Variants in SLC35F1 observed in about 807,000 individuals in gnomAD.
The protein encoded by SLC35F1 is solute carrier family 35 member F1, also known as chromosome 6 open reading frame 169.
Under a neutral mutation model 48.7 loss-of-function variants are expected in SLC35F1, and 14 were observed. The observed-to-expected ratio is 0.29, with a 90% CI of 0.19 to 0.45. The LOEUF (loss-of-function observed/expected upper bound fraction) is 0.45, where lower values mean the gene tolerates loss of function less well. Ranked by LOEUF, SLC35F1 falls within the 20% of genes least tolerant of loss-of-function variation. The pLI, the probability that SLC35F1 is intolerant of heterozygous loss-of-function variation, is 1.00. For missense variants in SLC35F1, 404 were observed against 500.0 expected (o/e 0.81, Z 1.83); for synonymous variants, 190 against 202.2 (o/e 0.94, Z 0.51).
intron 1 of SLC35F1, among the ~76,000 whole-genome samples, chr6:117,969,779 GT>G (rs1264422508): frequency 6.6e-6 from 1 of 152,042 alleles, no homozygotes; most frequent in Non-Finnish European, 1.5e-5. Flanking sequence ...TTTGGTGTAT[GT>G]TTTTCTTTTC....
At position 118,000,217 on chromosome 6, in the gene SLC35F1, G is replaced by T. The variant is rs9387533; in HGVS notation, c.173+92318G>T. The stretch of plus-strand genomic sequence containing the variant: ...AATCCTCAATAAAATACTGGCAAAC[G>T]GAATCCAGCAGCACATCAAAAAGCT... On this transcript the variant is annotated intron_variant, in intron 1 of 7. Coordinates refer to ENST00000360388, the MANE Select transcript of SLC35F1 (RefSeq NM_001029858.4). Among the ~76,000 whole-genome samples the T allele has an allele frequency of 3.9e-5, 6 of 152,126 alleles. No homozygotes were observed. The South Asian group carries it at 1.0e-3, about 26-fold the overall frequency.
At chr6:118,258,743 T>C (rs1775676369) in intron 3 of SLC35F1, among the ~76,000 whole-genome samples, 1 of 151,966 alleles carries the variant, frequency 6.6e-6, no homozygotes, top group Non-Finnish European at 1.5e-5. Context: ...TTAATATATA[T>C]AAAATATACT....
intron 2 of SLC35F1, among the ~76,000 whole-genome samples, chr6:118,182,898 T>C (rs970890712): frequency 1.3e-5 from 2 of 152,188 alleles, no homozygotes; most frequent in African/African-American, 4.8e-5. Context: ...CTTGATGGTA[T>C]GTTTTCAAAA....
At chr6:118,261,263 C>T (rs1013161431) in intron 3 of SLC35F1, among the ~76,000 whole-genome samples, 1 of 152,162 alleles carries the variant, frequency 6.6e-6, no homozygotes, top group African/African-American at 2.4e-5. Context: ...TGGATTCTCT[C>T]CTGAAACATC....
chr6:118,037,398 C>T (rs1772149823), intron 1 of SLC35F1, among the ~76,000 whole-genome samples: 2 of 151,898 alleles, frequency 1.3e-5, no homozygotes, highest in Non-Finnish European at 2.9e-5. Context: ...TGTTAATTTT[C>T]TCTGCTTTTT....
chr6:117,983,524 C>A (rs1232033129), intron 1 of SLC35F1, among the ~76,000 whole-genome samples: 1 of 152,096 alleles, frequency 6.6e-6, no homozygotes, highest in Non-Finnish European at 1.5e-5. Context: ...TTGCAGTGAG[C>A]CAAGACTGCA....
At chr6:118,125,502 G>T (rs1773612285) in intron 1 of SLC35F1, among the ~76,000 whole-genome samples, 1 of 152,162 alleles carries the variant, frequency 6.6e-6, no homozygotes, top group South Asian at 2.1e-4. Flanking sequence ...GGACGAGCAA[G>T]AACTAGGCTC....
At chr6:118,215,482 G>C (rs1042198795) in intron 2 of SLC35F1, among the ~76,000 whole-genome samples, 1 of 152,044 alleles carries the variant, frequency 6.6e-6, no homozygotes, top group Non-Finnish European at 1.5e-5. Flanking sequence ...AGACAATGGT[G>C]GGCCATGAAG....
At chr6:117,950,562 G>A (rs1776351112) in intron 1 of SLC35F1, among the ~76,000 whole-genome samples, 1 of 152,122 alleles carries the variant, frequency 6.6e-6, no homozygotes, top group South Asian at 2.1e-4. Flanking sequence ...GCCTTCAAGG[G>A]GCATCACTCT....
intron 1 of SLC35F1, among the ~76,000 whole-genome samples, chr6:118,060,478 C>T (rs1416650922): frequency 6.6e-6 from 1 of 151,870 alleles, no homozygotes. Flanking sequence ...ATCCCTTTAT[C>T]ACTACACAAA....
chr6:118,148,429 C>G (rs565514831), intron 1 of SLC35F1, among the ~76,000 whole-genome samples: 6 of 152,134 alleles, frequency 3.9e-5, no homozygotes, highest in Non-Finnish European at 8.8e-5. Context: ...CACAAGTTTA[C>G]TCTCAAAATT....
At chr6:117,923,514 C>CATGT (rs1394594215) in intron 1 of SLC35F1, among the ~76,000 whole-genome samples, 3 of 143,792 alleles carry the variant, frequency 2.1e-5, no homozygotes, top group Non-Finnish European at 4.5e-5. Context: ...TATACACATA[C>CATGT]ATGTGTATAT....
chr6:118,305,221 C>A (rs1172452485), intron 7 of SLC35F1, among the ~76,000 whole-genome samples: 2 of 151,496 alleles, frequency 1.3e-5, no homozygotes, highest in African/African-American at 4.9e-5. Flanking sequence ...TGAAGGCAAT[C>A]TGGAGGTACA....
intron 7 of SLC35F1, among the ~76,000 whole-genome samples, chr6:118,288,363 T>A (rs574103487): frequency 6.9e-4 from 105 of 152,270 alleles, no homozygotes; most frequent in African/African-American, 2.5e-3. Context: ...TTTTTATACA[T>A]TTTAGGGAGA....
intron 3 of SLC35F1, among the ~76,000 whole-genome samples, chr6:118,262,795 AC>A (rs1775728557): frequency 6.6e-6 from 1 of 152,328 alleles, no homozygotes; most frequent in African/African-American, 2.4e-5. Context: ...GTTTAAAACT[AC>A]AGGGTTCAAG....
chr6:118,135,020 G>T (rs999707603), intron 1 of SLC35F1, among the ~76,000 whole-genome samples: 1 of 152,192 alleles, frequency 6.6e-6, no homozygotes, highest in Non-Finnish European at 1.5e-5. Flanking sequence ...GGAGGAAAAG[G>T]TCAAACAGAA....
intron 1 of SLC35F1, among the ~76,000 whole-genome samples, chr6:118,029,935 ACAT>A: frequency 6.6e-6 from 1 of 152,196 alleles, no homozygotes; most frequent in Non-Finnish European, 1.5e-5. Flanking sequence ...CTTGGAGAGG[ACAT>A]TCCAACAAGG....
chr6:118,243,213 G>A (rs1775463268), intron 3 of SLC35F1, among the ~76,000 whole-genome samples: 2 of 152,172 alleles, frequency 1.3e-5, no homozygotes, highest in Non-Finnish European at 2.9e-5. Context: ...AGGCTAAGTT[G>A]TATCAAATAC....
At position 118,281,345 on chromosome 6, in the gene SLC35F1, T is replaced by G. The variant is rs184728815; in HGVS notation, c.847+3799T>G. 1.3e-3 allele frequency among the ~76,000 whole-genome samples: 200 copies of G among 152,196 alleles called. 1 individual carries two copies. The highest frequency in any genetic ancestry group is 2.3e-3 in the Non-Finnish European group (154 of 68,016). ...ATTCAGAATTTAAAGTCAGGCTGCC[T>G]ATGTGACCTAAGGGCAAGTTACTTA... On this transcript the variant is annotated intron_variant, in intron 6 of 7. Transcript: ENST00000360388.
Sources: gnomAD v4.1 joint callset for allele counts (sites outside exome capture counted in the v4.1 genomes callset) on GRCh38, gnomAD v4.1.1 for gene constraint, MANE v1.5 for transcripts, NCBI Gene and HGNC (gene_info 2026-07-23, HGNC 2026-07-21) for gene names.